ITPR1: variants seen among roughly 807,000 people sequenced by gnomAD.
The protein encoded by ITPR1 is inositol 1,4,5-trisphosphate-gated calcium channel ITPR1.
Under a neutral mutation model 318.4 loss-of-function variants are expected in ITPR1, and 96 were observed. The observed-to-expected ratio is 0.30, with a 90% CI of 0.26 to 0.36. The LOEUF is 0.36. Ranked by LOEUF, ITPR1 falls within the 10% of genes least tolerant of loss-of-function variation. The probability of loss-of-function intolerance (pLI) is 1.00; values close to 1 mark genes in which losing one functional copy is unlikely to be tolerated. For synonymous variants in ITPR1, 1,312 were observed against 1,289.9 expected, an observed-to-expected ratio of 1.02 and a Z score of -0.37; for missense variants, 2,440 against 3,460.2, an observed-to-expected ratio of 0.71 and a Z score of 7.40.
At chr3:4,650,606 AGTGTGTGTGTGT>A (rs1177734281) in intron 10 of ITPR1, among the ~76,000 whole-genome samples, 1 of 137,308 alleles carries the variant, frequency 7.3e-6, no homozygotes, top group African/African-American at 3.1e-5. Context: ...GATATGCCTT[AGTGTGTGTGTGT>A]GTGTGTGTGT....
intron 2 of ITPR1, among the ~76,000 whole-genome samples, chr3:4,504,082 C>G (rs1349757444): frequency 6.6e-6 from 1 of 152,146 alleles, no homozygotes; most frequent in Non-Finnish European, 1.5e-5. Context: ...ATGCCCTCCA[C>G]TCACCAAATC....
At position 4,725,614 on chromosome 3, in the gene ITPR1, G is replaced by A. The variant is rs560370381; in HGVS notation, c.5172+33G>A. The stretch of plus-strand genomic sequence containing the variant: ...GCCCGCCTATATTTGTAGCGCCAGC[G>A]CCAGCAAATATGGATGCCTCTCAGT... On this transcript the variant is annotated intron_variant, in intron 41 of 61. Coordinates refer to ENST00000649015, the MANE Select transcript of ITPR1 (RefSeq NM_001378452.1). 230 of 1,579,944 alleles carry A rather than the reference G, an allele frequency of 1.5e-4. 1 individual carries two copies. In the South Asian group the frequency reaches 2.0e-3, roughly 13 times the overall value.
intron 44 of ITPR1, among the ~76,000 whole-genome samples, chr3:4,755,793 C>T (rs2044927926): frequency 6.6e-6 from 1 of 152,216 alleles, no homozygotes; most frequent in African/African-American, 2.4e-5. Context: ...TGGTTTGTCT[C>T]TCACTTGTTA....
At chr3:4,588,914 A>G (rs147463546) in intron 4 of ITPR1, among the ~76,000 whole-genome samples, 216 of 152,288 alleles carry the variant, frequency 1.4e-3, no homozygotes, top group Non-Finnish European at 2.6e-3. Context: ...CTTCAGTTAT[A>G]GTCCCAATTT....
intron 44 of ITPR1, among the ~76,000 whole-genome samples, chr3:4,747,581 C>G (rs933446351): frequency 6.6e-6 from 1 of 152,118 alleles, no homozygotes; most frequent in African/African-American, 2.4e-5. Flanking sequence ...GAAGGCAGCT[C>G]GAGTGGTCAG....
At position 4,766,591 on chromosome 3, in the gene ITPR1, A is replaced by G; in HGVS notation, c.5606A>G (p.Tyr1869Cys). ...KKSEKFFKVFYDRMKVAQQEI... is the reference protein window; with the variant it reads ...KKSEKFFKVFCDRMKVAQQEI... ...TCAGAGAAATTCTTTAAGGTGTTTT[A>G]TGACCGGATGAAGGTGGCCCAGCAA... Residue 1869 changes from tyrosine (Y) to cysteine (C), a missense_variant, in exon 45 of 62, where the codon TAT (tyrosine) becomes TGT (cysteine). Physicochemically the swap from Tyr to Cys is radical, Grantham distance 194 (BLOSUM62 -2). This residue lies in a region of ITPR1 where 80 missense variants were observed against 122.0 expected (regional missense o/e 0.66). Coordinates refer to ENST00000649015, the MANE Select transcript of ITPR1 (RefSeq NM_001378452.1). The G allele has an allele frequency of 6.2e-7, 1 of 1,613,828 alleles. No individual in the cohort carries two copies. Among genetic ancestry groups the G allele is most frequent in the Non-Finnish European group, 8.5e-7 (1 of 1,179,744 alleles).
rs777893599 is a variant in ITPR1, at chr3:4,693,672, C to T, written c.4212C>T (p.Ile1404=). Reference sequence around the variant, plus strand: ...AGGGTAAGAATGTCTACACAGAGATCAAGTGCAACTCCCTGCTCCCGCTGG... The same window carrying T: ...AGGGTAAGAATGTCTACACAGAGATTAAGTGCAACTCCCTGCTCCCGCTGG... ...CTEGKNVYTE[I]KCNSLLPLDD... Residue 1404 remains isoleucine (I), a synonymous_variant, in exon 33 of 62, where the codon ATC becomes ATT. Transcript: ENST00000649015. 1 of 1,614,056 alleles carries T rather than the reference C, an allele frequency of 6.2e-7. No individual in the cohort carries two copies. The highest frequency in any genetic ancestry group is 1.7e-5 in the Admixed American group (1 of 60,016).
At position 4,768,493 on chromosome 3, in the gene ITPR1, C is replaced by G; in HGVS notation, c.5726-18C>G. On this transcript the variant is annotated intron_variant, in intron 45 of 61. Transcript: ENST00000649015. The stretch of plus-strand genomic sequence containing the variant: ...ATGAGGACTCTGCAGCCTTTCATGC[C>G]TTATGCTTGCTTTCTAGCTAAAGAG... 1 of 1,594,202 alleles carries G rather than the reference C, an allele frequency of 6.3e-7. No homozygotes were observed. Among genetic ancestry groups the G allele is most frequent in the Non-Finnish European group, 8.6e-7 (1 of 1,167,768 alleles).
chr3:4,729,742 T>C (rs997217543), intron 42 of ITPR1, among the ~76,000 whole-genome samples: 12 of 152,230 alleles, frequency 7.9e-5, no homozygotes, highest in African/African-American at 1.4e-4. Context: ...GTGACACTTA[T>C]TACAAATGAC....
At chr3:4,741,988 G>C (rs2043739239) in intron 44 of ITPR1, among the ~76,000 whole-genome samples, 1 of 152,188 alleles carries the variant, frequency 6.6e-6, no homozygotes, top group Admixed American at 6.5e-5. Flanking sequence ...ATTAAAGAAA[G>C]AGGGAGGCAG....
chr3:4,524,902 GGCTCT>G (rs1220754238), intron 4 of ITPR1, among the ~76,000 whole-genome samples: 1 of 152,150 alleles, frequency 6.6e-6, no homozygotes, highest in African/African-American at 2.4e-5. Flanking sequence ...GAGGATAATA[GGCTCT>G]ATCTCATAAG....
At chr3:4,820,931 G>T (rs1056409618) in intron 60 of ITPR1, among the ~76,000 whole-genome samples, 2 of 152,206 alleles carry the variant, frequency 1.3e-5, no homozygotes, top group African/African-American at 4.8e-5. Flanking sequence ...CCTCAGAGCT[G>T]CGGTGCAGAG....
chr3:4,730,237 A>AC (rs2042813447), intron 42 of ITPR1, among the ~76,000 whole-genome samples: 1 of 150,292 alleles, frequency 6.7e-6, no homozygotes, highest in African/African-American at 2.4e-5. Flanking sequence ...AAAACAAAAA[A>AC]AAACCTTGCT....
chr3:4,495,484 G>A (rs755383126), intron 2 of ITPR1, among the ~76,000 whole-genome samples: 1 of 152,220 alleles, frequency 6.6e-6, no homozygotes, highest in Non-Finnish European at 1.5e-5. Flanking sequence ...GCATTTGGAT[G>A]TGAGAACTCT....
At chr3:4,586,266 G>C (rs573235667) in intron 4 of ITPR1, among the ~76,000 whole-genome samples, 2 of 152,084 alleles carry the variant, frequency 1.3e-5, no homozygotes, top group Non-Finnish European at 1.5e-5. Context: ...TGTTGCACCT[G>C]TTCTGTTCTG....
At chr3:4,694,495 G>A (rs974191383) in intron 33 of ITPR1, among the ~76,000 whole-genome samples, 2 of 152,000 alleles carry the variant, frequency 1.3e-5, no homozygotes, top group Admixed American at 6.6e-5. Flanking sequence ...CTTAGTGGTG[G>A]GGATATCTTT....
chr3:4,651,128 T>G (rs1348885181), intron 10 of ITPR1, among the ~76,000 whole-genome samples: 1 of 152,170 alleles, frequency 6.6e-6, no homozygotes, highest in Non-Finnish European at 1.5e-5. Context: ...AGCTTTGGCT[T>G]TCCAGAATCA....
intron 44 of ITPR1, among the ~76,000 whole-genome samples, chr3:4,742,404 A>G (rs919142266): frequency 6.6e-6 from 1 of 152,208 alleles, no homozygotes; most frequent in African/African-American, 2.4e-5. Flanking sequence ...TGGTGTGGGT[A>G]CAGCCTGGGC....
chr3:4,511,088 G>T (rs922952165), intron 2 of ITPR1, among the ~76,000 whole-genome samples: 3 of 152,120 alleles, frequency 2.0e-5, no homozygotes, highest in African/African-American at 7.2e-5. Context: ...TCTAGTAGCT[G>T]TGGGACATGA....
Sources: gnomAD v4.1 joint callset for allele counts (sites outside exome capture counted in the v4.1 genomes callset) on GRCh38, gnomAD v4.1.1 for gene constraint, gnomAD v4.1.1 regional missense constraint, MANE v1.5 for transcripts, NCBI Gene and HGNC (gene_info 2026-07-23, HGNC 2026-07-21) for gene names.